LRP4: variants seen among roughly 807,000 people sequenced by gnomAD.
LRP4 encodes low-density lipoprotein receptor-related protein 4.
LRP4 carries 95 observed loss-of-function variants against 220.3 expected under a neutral mutation model. The ratio of observed to expected loss-of-function variants is 0.43; its 90% confidence interval spans 0.37 to 0.51. The LOEUF (loss-of-function observed/expected upper bound fraction) is 0.51. Ranked by LOEUF, LRP4 falls within the 20% of genes least tolerant of loss-of-function variation. LRP4 has a pLI of 0.00. For synonymous variants in LRP4, 903 were observed against 954.6 expected (o/e 0.95, Z 1.00); for missense variants, 1,925 against 2,567.0 (o/e 0.75, Z 5.40).
chr11:46,879,031 T>TGTAGACACTGG lies in LRP4; in HGVS notation c.3005-4_3011dup (p.Pro1005GlnfsTer47), dbSNP rs1941086932. ...AGCCGCCATTCTCCATAGCACATGG[T>TGTAGACACTGG]GTAGACACTGGGTAGAGAGGAGGGG... On this transcript the variant is annotated frameshift_variant, in exon 22 of 38. Coordinates refer to ENST00000378623, the MANE Select transcript of LRP4 (RefSeq NM_002334.4). LOFTEE classifies it high-confidence loss of function. 1 of 1,614,050 alleles carries TGTAGACACTGG rather than the reference T, an allele frequency of 6.2e-7. No individual in the cohort carries two copies. The highest frequency in any genetic ancestry group is 1.3e-5 in the African/African-American group (1 of 74,916).
In LRP4 at chr11:46,879,295, G is replaced by C. The variant is rs201362411; in HGVS notation, c.2835C>G (p.Leu945=). Residue 945 remains leucine (L), a synonymous_variant, in exon 21 of 38, where the codon CTC becomes CTG. Coordinates refer to ENST00000378623, the MANE Select transcript of LRP4 (RefSeq NM_002334.4). Reference sequence around the variant, plus strand: ...AGAGGGTCAGCCCAAATGGGTGGGGGAGCTGGCTTCCAATCAGCACCTGCC... The same window carrying C: ...AGAGGGTCAGCCCAAATGGGTGGGGCAGCTGGCTTCCAATCAGCACCTGCC... The part of the protein sequence containing the change: ...SKRKVLIGSQ[L]PHPFGLTLYG... The C allele has an allele frequency of 1.1e-5, 17 of 1,614,148 alleles. No homozygotes were observed. Among genetic ancestry groups the C allele is most frequent in the Non-Finnish European group, 1.4e-5 (17 of 1,180,042 alleles).
rs745991521 is a variant in LRP4 at position 46,877,281 on chromosome 11, G to A, written c.3195C>T (p.Asp1065=). The change falls in exon 23 of 38, where the codon GAC becomes GAT. Residue 1065 remains aspartate, a synonymous_variant. Transcript: ENST00000378623. ...CCACCACATCAGCAAAATAAGGGAT[G>A]TCCAGGGAGACCATGCGAATGTCTA... ...RRIDIRMVSL[D]IPYFADVVVP... 15 of 1,614,026 alleles carry A rather than the reference G, an allele frequency of 9.3e-6. No individual in the cohort carries two copies. Among genetic ancestry groups the A allele is most frequent in the East Asian group, 2.2e-5 (1 of 44,886 alleles).
Position 46,875,341 on chromosome 11 carries a change from G to T in LRP4, c.3925+115C>A. 9.7e-7 allele frequency: 1 copy of T among 1,027,016 alleles called. No individual in the cohort carries two copies. The highest frequency in any genetic ancestry group is 1.5e-6 in the Non-Finnish European group (1 of 678,306). The allele number at this position is 1,027,016 out of a possible 1,614,324, so 63.6% of individuals were successfully genotyped here. The stretch of plus-strand genomic sequence containing the variant: ...CCCAATCTGGAAGGGAGCTTAAACA[G>T]GTCACCGTCTTTCTGGCTGTAAAGG... On this transcript the variant is annotated intron_variant, in intron 27 of 37. Coordinates refer to ENST00000378623, the MANE Select transcript of LRP4 (RefSeq NM_002334.4). The surrounding 1 kb of genome is among the most constrained non-coding windows in gnomAD (Gnocchi z 4.5).
At chr11:46,893,597 G>C (rs1405654774) in intron 12 of LRP4, among the ~76,000 whole-genome samples, 2 of 152,132 alleles carry the variant, frequency 1.3e-5, no homozygotes, top group East Asian at 3.8e-4. Flanking sequence ...TGTTTCTGTG[G>C]TTTTTTGTTT....
At chr11:46,866,945 G>T (rs1940720171) in intron 34 of LRP4, among the ~76,000 whole-genome samples, 1 of 151,364 alleles carries the variant, frequency 6.6e-6, no homozygotes, top group African/African-American at 2.4e-5. Context: ...AAAGAAAAAA[G>T]AAAAAAAAGA....
rs766296919 is a variant in LRP4 at position 46,859,016 on chromosome 11, A to G, written c.5685T>C (p.His1895=). 1 of 1,614,024 alleles carries G rather than the reference A, an allele frequency of 6.2e-7. No homozygotes were observed. Among genetic ancestry groups the G allele is most frequent in the African/African-American group, 1.3e-5 (1 of 74,926 alleles). The change falls in exon 38 of 38, where the codon CAT becomes CAC. Residue 1895 remains histidine (H), a synonymous_variant. Coordinates refer to ENST00000378623, the MANE Select transcript of LRP4 (RefSeq NM_002334.4). ...GGCTCTCTGAGGAGAGCTTGCGTTC[A>G]TGTTTCCAGCCCGTGTCTGGCAGAG... ...RGSLPDTGWK[H]ERKLSSESQV
intron 1 of LRP4, among the ~76,000 whole-genome samples, chr11:46,907,970 T>C (rs1179224428): frequency 6.6e-6 from 1 of 152,136 alleles, no homozygotes; most frequent in African/African-American, 2.4e-5. Context: ...AATCTTGCTG[T>C]GTTGCCCAGG....
chr11:46,857,346 T>C lies in LRP4; in HGVS notation c.*1637A>G, dbSNP rs752260608. The C allele has an allele frequency of 3.3e-5, 5 of 152,246 alleles. No homozygotes were observed. The highest frequency in any genetic ancestry group is 5.9e-5 in the Non-Finnish European group (4 of 68,060). The allele number at this position is 152,246 out of a possible 1,614,324, so 9.4% of individuals were successfully genotyped here. A position where few individuals can be genotyped will look rare whatever the true frequency, so the allele number is the denominator to read the frequency against. ...GAATTGATCTTGTCCTTTTTCACTTTGGTAGCTGATTTCTCAATACCAGTA... is the reference window on the plus strand; with the variant it reads ...GAATTGATCTTGTCCTTTTTCACTTCGGTAGCTGATTTCTCAATACCAGTA... On this transcript the variant is annotated 3_prime_UTR_variant, in exon 38 of 38. Coordinates refer to ENST00000378623, the MANE Select transcript of LRP4 (RefSeq NM_002334.4).
At chr11:46,903,265 G>A (rs1023992057) in intron 1 of LRP4, among the ~76,000 whole-genome samples, 1 of 152,122 alleles carries the variant, frequency 6.6e-6, no homozygotes, top group Admixed American at 6.5e-5. Flanking sequence ...GGGCTGAGAT[G>A]GGAGGATTGA....
chr11:46,896,734 C>T (rs1419296308), intron 8 of LRP4, 135 bp downstream of exon 8: 14 of 1,304,138 alleles, frequency 1.1e-5, no homozygotes, highest in Non-Finnish European at 1.4e-5. Context: ...GCCATAAGGC[C>T]GCAGGTCAAT....
chr11:46,876,486 G>A lies in LRP4; in HGVS notation c.3516C>T (p.Ile1172=), dbSNP rs377557349. The part of the protein sequence containing the change: ...VWQNLDSPRA[I]VLYHEMGFMY... ...CTCACCCCATCTCATGGTACAGTAC[G>A]ATGGCCCGGGGACTGTCAAGGTTCT... Residue 1172 remains isoleucine (I), a synonymous_variant, in exon 25 of 38, where the codon ATC becomes ATT. Coordinates refer to ENST00000378623, the MANE Select transcript of LRP4 (RefSeq NM_002334.4). The A allele has an allele frequency of 5.8e-5, 93 of 1,614,042 alleles. No homozygotes were observed. Among genetic ancestry groups the A allele is most frequent in the East Asian group, 2.7e-4 (12 of 44,890 alleles).
chr11:46,864,320 A>T (rs1940636543), intron 36 of LRP4, 128 bp downstream of exon 36: 1 of 772,986 alleles, frequency 1.3e-6, no homozygotes, highest in East Asian at 2.5e-5. Context: ...TGCTGCCCTG[A>T]CCAGGCACCC....
rs544248962 is a variant in LRP4, at chr11:46,891,862, C to T, written c.1697+1111G>A. ...AACTCCTGGGCTCAAGCAATCTGCC[C>T]ACCTCAGCATCCCAAAGTGCTGAGA... is the stretch of plus-strand genomic sequence containing the variant. On this transcript the variant is annotated intron_variant, in intron 13 of 37. Coordinates refer to ENST00000378623, the MANE Select transcript of LRP4 (RefSeq NM_002334.4). Among the ~76,000 whole-genome samples, 8 of 152,022 alleles carry T rather than the reference C, an allele frequency of 5.3e-5. No individual in the cohort carries two copies. The South Asian group carries it at 1.7e-3, about 32-fold the overall frequency.
At chr11:46,891,454 C>CACACAG (rs1190294494) in intron 13 of LRP4, among the ~76,000 whole-genome samples, 2 of 149,006 alleles carry the variant, frequency 1.3e-5, no homozygotes, top group Non-Finnish European at 3.0e-5. Flanking sequence ...CACACACACA[C>CACACAG]ACACACACAC....
chr11:46,891,802 G>A (rs1172465696), intron 13 of LRP4, among the ~76,000 whole-genome samples: 1 of 152,078 alleles, frequency 6.6e-6, no homozygotes, highest in Non-Finnish European at 1.5e-5. Flanking sequence ...TTTTTATAGA[G>A]ATGGGGTTTT....
intron 37 of LRP4, 135 bp from the exon 38 acceptor site, chr11:46,859,450 T>C: frequency 4.1e-6 from 3 of 727,658 alleles, no homozygotes; most frequent in East Asian, 2.6e-5. Context: ...AATGGGGAAA[T>C]GTGATTAAGA....
chr11:46,895,434 G>T lies in LRP4; in HGVS notation c.1184-143C>A. 3.5e-6 allele frequency: 4 copies of T among 1,148,634 alleles called. No homozygotes were observed. The South Asian group carries it at 3.8e-5, about 11-fold the overall frequency. 71.2% of individuals were successfully genotyped at this position (1,148,634 alleles called of 1,614,324 possible). A position where few individuals can be genotyped will look rare whatever the true frequency, so the allele number is the denominator to read the frequency against. ...GGCTGTCTAAGAAATGGTTAAGGGC[G>T]GCCGGGCGTGGTGGCGCACACCTGT... On this transcript the variant is annotated intron_variant, in intron 10 of 37. Coordinates refer to ENST00000378623, the MANE Select transcript of LRP4 (RefSeq NM_002334.4).
In LRP4 at chr11:46,875,919, G is replaced by T. The variant is rs1315102279; in HGVS notation, c.3584C>A (p.Ser1195Tyr). Residue 1195 changes from serine (S) to tyrosine (Y), a missense_variant, in exon 26 of 38, where the codon TCC becomes TAC. Around this residue, in one of 3 missense-constraint regions of LRP4, gnomAD observed 1,244 missense variants for 1,624.9 expected, o/e 0.77. Coordinates refer to ENST00000378623, the MANE Select transcript of LRP4 (RefSeq NM_002334.4). The surrounding 1 kb of genome is among the most constrained non-coding windows in gnomAD (Gnocchi z 4.5). Reference sequence around the variant, plus strand: ...CGCGCGGTCTGAGCCATCCATTCCGGACCGCTCTAACTTGGCATTCTCCCC... The same window carrying T: ...CGCGCGGTCTGAGCCATCCATTCCGTACCGCTCTAACTTGGCATTCTCCCC... ...DWGENAKLER[S>Y]GMDGSDRAVL... 6.2e-7 allele frequency: 1 copy of T among 1,613,942 alleles called. No individual in the cohort carries two copies. The highest frequency in any genetic ancestry group is 8.5e-7 in the Non-Finnish European group (1 of 1,180,036).
In LRP4 at chr11:46,899,326, C is replaced by A. The variant is rs1044095826; in HGVS notation, c.547+61G>T. ...ATGCACTCCTCAGCCTCGCCCTTAG[C>A]CAATGGGCAGAACTGTCTGCCCTCA... On this transcript the variant is annotated intron_variant, in intron 5 of 37. Coordinates refer to ENST00000378623, the MANE Select transcript of LRP4 (RefSeq NM_002334.4). This position sits in a 1 kb window ranked among gnomAD's most constrained non-coding sequence, Gnocchi z 5.9. The A allele has an allele frequency of 7.5e-7, 1 of 1,341,216 alleles. No homozygotes were observed. Among genetic ancestry groups the A allele is most frequent in the Non-Finnish European group, 1.1e-6 (1 of 932,128 alleles). 83.1% of individuals were successfully genotyped at this position (1,341,216 alleles called of 1,614,324 possible).
Sources: gnomAD v4.1 joint callset for allele counts (sites outside exome capture counted in the v4.1 genomes callset) on GRCh38, gnomAD v4.1.1 for gene constraint, gnomAD v4.1.1 regional missense constraint, Gnocchi (gnomAD v3.1) non-coding constraint, MANE v1.5 for transcripts, NCBI Gene and HGNC (gene_info 2026-07-23, HGNC 2026-07-21) for gene names.